The following CMSS1 variants were observed in gnomAD, a reference collection of about 807,000 sequenced individuals.
The protein encoded by CMSS1 is cms1 ribosomal small subunit homolog.
Under a neutral mutation model 43.5 loss-of-function variants are expected in CMSS1, and 33 were observed. That is an observed-to-expected ratio of 0.76 (90% confidence interval 0.57 to 1.01). CMSS1 has a LOEUF of 1.01. Among genes scored for constraint, CMSS1 ranks in the 50% least tolerant of loss-of-function variants. The pLI, the probability that CMSS1 is intolerant of heterozygous loss-of-function variation, is 0.00. For missense variants in CMSS1, 313 were observed against 326.4 expected (o/e 0.96, Z 0.32); for synonymous variants, 115 against 117.2 (o/e 0.98, Z 0.12).
At chr3:100,081,651 G>T (rs2065933932) in intron 1 of CMSS1, among the ~76,000 whole-genome samples, 1 of 152,140 alleles carries the variant, frequency 6.6e-6, no homozygotes, top group Non-Finnish European at 1.5e-5. Flanking sequence ...GAGAGTAACA[G>T]TCATGAAAAG....
chr3:100,172,789 G>A (rs1051390234), intron 8 of CMSS1, among the ~76,000 whole-genome samples: 10 of 152,166 alleles, frequency 6.6e-5, no homozygotes, highest in Admixed American at 1.3e-4. Flanking sequence ...AACAAAAAAC[G>A]TAGTTTCCAT....
At chr3:100,174,384 G>C (rs1209476612) in intron 8 of CMSS1, among the ~76,000 whole-genome samples, 3 of 151,768 alleles carry the variant, frequency 2.0e-5, no homozygotes, top group African/African-American at 7.3e-5. Flanking sequence ...CATGCAACAG[G>C]ATTACTCTTC....
At position 99,985,040 on chromosome 3, in the gene CMSS1, G is replaced by A. The variant is rs539821868; in HGVS notation, c.65-161933G>A. ...GGTTGCCGTGAGGAAGGTATAAGGG[G>A]CAGGGTACCAGGTATATATGGTTAG... On this transcript the variant is annotated intron_variant, in intron 1 of 9. Coordinates refer to ENST00000421999, the MANE Select transcript of CMSS1 (RefSeq NM_032359.4). 2.0e-5 allele frequency among the ~76,000 whole-genome samples: 3 copies of A among 152,258 alleles called. No homozygotes were observed. In the East Asian group the frequency reaches 5.8e-4, roughly 29 times the overall value.
chr3:100,086,103 T>C (rs753900031), intron 1 of CMSS1, among the ~76,000 whole-genome samples: 2 of 152,222 alleles, frequency 1.3e-5, no homozygotes, highest in Non-Finnish European at 2.9e-5. Context: ...TAGCTTTTAA[T>C]GAAATAAACA....
intron 1 of CMSS1, among the ~76,000 whole-genome samples, chr3:99,902,141 T>C (rs534535117): frequency 3.9e-5 from 6 of 152,338 alleles, no homozygotes; most frequent in Non-Finnish European, 8.8e-5. Context: ...CATGATGTTA[T>C]ATTAGACATT....
intron 1 of CMSS1, among the ~76,000 whole-genome samples, chr3:100,132,264 A>G (rs765666986): frequency 6.6e-6 from 1 of 152,128 alleles, no homozygotes; most frequent in Non-Finnish European, 1.5e-5. Context: ...TTGGCCAGAC[A>G]TAGTGGCATG....
intron 3 of CMSS1, among the ~76,000 whole-genome samples, chr3:100,162,014 C>T (rs1211249378): frequency 6.6e-6 from 1 of 152,158 alleles, no homozygotes; most frequent in African/African-American, 2.4e-5. Context: ...TTACTTTTAA[C>T]AGAAAATAAT....
At chr3:99,830,685 G>C (rs917783240) in intron 1 of CMSS1, 16 of 424,752 alleles carry the variant, frequency 3.8e-5, no homozygotes, top group Non-Finnish European at 6.7e-5. Context: ...CATGGAGTCA[G>C]TTTGGAGGAT....
chr3:99,933,593 C>A (rs1041541244), intron 1 of CMSS1, among the ~76,000 whole-genome samples: 15 of 152,076 alleles, frequency 9.9e-5, no homozygotes, highest in African/African-American at 1.4e-4. Context: ...ATTGTATTTT[C>A]TTGAACACCT....
At chr3:100,044,266 T>C (rs2065247186) in intron 1 of CMSS1, among the ~76,000 whole-genome samples, 1 of 152,258 alleles carries the variant, frequency 6.6e-6, no homozygotes, top group Non-Finnish European at 1.5e-5. Context: ...GTTTACAAGA[T>C]TGACATGGTC....
chr3:99,926,158 T>G (rs573926403), intron 1 of CMSS1, among the ~76,000 whole-genome samples: 48 of 152,328 alleles, frequency 3.2e-4, no homozygotes, highest in African/African-American at 1.2e-3. Context: ...TGACTAGAAA[T>G]GTACTTGACT....
intron 6 of CMSS1, among the ~76,000 whole-genome samples, chr3:100,170,205 A>G (rs1284417702): frequency 6.6e-6 from 1 of 152,240 alleles, no homozygotes; most frequent in Admixed American, 6.5e-5. Flanking sequence ...CTTGTATAGC[A>G]TGATTCACTA....
At chr3:100,028,512 G>C (rs1412568860) in intron 1 of CMSS1, among the ~76,000 whole-genome samples, 1 of 152,048 alleles carries the variant, frequency 6.6e-6, no homozygotes, top group African/African-American at 2.4e-5. Context: ...ATTCACGTTG[G>C]AGAATAGGCC....
intron 1 of CMSS1, among the ~76,000 whole-genome samples, chr3:99,903,166 A>G (rs1302691936): frequency 1.3e-5 from 2 of 152,240 alleles, no homozygotes; most frequent in African/African-American, 4.8e-5. Flanking sequence ...TATGAGGATT[A>G]AAGTTTAAGA....
intron 1 of CMSS1, chr3:99,848,677 G>A (rs1285197919): frequency 1.2e-6 from 2 of 1,614,156 alleles, no homozygotes; most frequent in Admixed American, 1.7e-5. Flanking sequence ...CTGAATAGGG[G>A]ACATTGTCCT....
chr3:99,929,772 T>C, intron 1 of CMSS1: 2 of 988,672 alleles, frequency 2.0e-6, no homozygotes, highest in Non-Finnish European at 2.9e-6. Context: ...CTGTAAGGAA[T>C]CAAAGAGGAG....
intron 4 of CMSS1, among the ~76,000 whole-genome samples, chr3:100,162,660 T>A (rs1028339569): frequency 6.6e-6 from 1 of 151,784 alleles, no homozygotes; most frequent in African/African-American, 2.4e-5. Flanking sequence ...ATAAGAATAA[T>A]AATAATAATT....
In CMSS1 at chr3:100,172,359, T is replaced by G. The variant is rs200212494; in HGVS notation, c.623T>G (p.Leu208Arg). ...VKLLEKRVVHLGVGTPGRIKE... is the reference protein window; with the variant it reads ...VKLLEKRVVHRGVGTPGRIKE... ...TTGCTGGAGAAGCGTGTGGTGCACC[T>G]GGGTGTAGGAACTCCGGGGAGAATT... The change falls in exon 8 of 10, where the codon CTG becomes CGG. Residue 208 changes from leucine (L) to arginine (R), a missense_variant. Transcript: ENST00000421999. 49 of 1,613,788 alleles carry G rather than the reference T, an allele frequency of 3.0e-5. No homozygotes were observed. The highest frequency in any genetic ancestry group is 4.2e-5 in the Non-Finnish European group (49 of 1,179,888).
chr3:99,861,933 AAT>A (rs1944280209), intron 1 of CMSS1, among the ~76,000 whole-genome samples: 1 of 152,152 alleles, frequency 6.6e-6, no homozygotes, highest in Non-Finnish European at 1.5e-5. Context: ...GAATGGGGAT[AAT>A]ATTAGAGCCT....
Sources: allele counts gnomAD v4.1 joint callset (sites outside exome capture counted in the v4.1 genomes callset), GRCh38; gene constraint gnomAD v4.1.1; transcripts MANE v1.5; gene names NCBI Gene and HGNC (gene_info 2026-07-23, HGNC 2026-07-21).